Variants in CYTH3 observed in about 807,000 individuals in gnomAD.
CYTH3 encodes cytohesin 3, also known as cytohesin-3.
Under a neutral mutation model 55.1 loss-of-function variants are expected in CYTH3, and 23 were observed. That is an observed-to-expected ratio of 0.42 (90% confidence interval 0.30 to 0.59). The LOEUF (loss-of-function observed/expected upper bound fraction) is 0.59. CYTH3 is among the 20% of genes least tolerant of loss of function. The probability of loss-of-function intolerance (pLI) is 0.20; values close to 1 mark genes in which losing one functional copy is unlikely to be tolerated. For missense variants in CYTH3, 413 were observed against 524.8 expected, an observed-to-expected ratio of 0.79 and a Z score of 2.08; for synonymous variants, 249 against 194.9, an observed-to-expected ratio of 1.28 and a Z score of -2.31.
intron 2 of CYTH3, among the ~76,000 whole-genome samples, chr7:6,188,274 A>G (rs1049571403): frequency 2.6e-4 from 40 of 152,076 alleles, no homozygotes; most frequent in Non-Finnish European, 4.9e-4. Flanking sequence ...TTGAGGCTGC[A>G]GTGAGCCATG....
chr7:6,201,565 G>A (rs763146636), intron 1 of CYTH3, among the ~76,000 whole-genome samples: 1 of 152,128 alleles, frequency 6.6e-6, no homozygotes, highest in Non-Finnish European at 1.5e-5. Flanking sequence ...CAAGAGAAGG[G>A]ATCCAGTACA....
chr7:6,259,822 AT>A (rs1268477195), intron 1 of CYTH3, among the ~76,000 whole-genome samples: 3 of 26,342 alleles, frequency 1.1e-4, no homozygotes, highest in Non-Finnish European at 1.6e-4. Flanking sequence ...TAATATATAT[AT>A]ATATATATAT....
chr7:6,194,314 G>A lies in CYTH3; in HGVS notation c.35-3783C>T, dbSNP rs79711190. On this transcript the variant is annotated intron_variant, in intron 1 of 12. Coordinates refer to ENST00000350796, the MANE Select transcript of CYTH3 (RefSeq NM_004227.4). ...TAAAACCTTGGGGAAAAAGCCAGGC[G>A]TGATGGCACGCATCCGTAGTCCCAG... Among the ~76,000 whole-genome samples the A allele has an allele frequency of 4.1e-3, 628 of 152,290 alleles. 9 individuals carry two copies. The highest frequency in any genetic ancestry group is 0.014 in the African/African-American group (582 of 41,556).
At chr7:6,190,610 GC>G in intron 1 of CYTH3, 79 bp from the exon 2 acceptor site, 2 of 1,090,042 alleles carry the variant, frequency 1.8e-6, no homozygotes, top group Non-Finnish European at 2.6e-6. Flanking sequence ...GGTACATGCT[GC>G]CACCCAGCAA....
At chr7:6,222,606 G>A (rs1467030618) in intron 1 of CYTH3, among the ~76,000 whole-genome samples, 1 of 151,992 alleles carries the variant, frequency 6.6e-6, no homozygotes, top group Non-Finnish European at 1.5e-5. Context: ...CATTAGCCGG[G>A]CGTGGTGGCG....
rs959937210 is a variant in CYTH3 at position 6,165,923 on chromosome 7, G to T, written c.824-113C>A. ...TGCGTTTTCAGAAAGGCCACCAGGC[G>T]CCAGGCTTGGGTTCAGGTGTCCTTC... is the stretch of plus-strand genomic sequence containing the variant. On this transcript the variant is annotated intron_variant, in intron 9 of 12. Transcript: ENST00000350796. 1.1e-5 allele frequency: 12 copies of T among 1,050,432 alleles called. No homozygotes were observed. The Admixed American group carries it at 2.3e-4, about 21-fold the overall frequency. 65.1% of individuals were successfully genotyped at this position (1,050,432 alleles called of 1,614,324 possible).
intron 1 of CYTH3, among the ~76,000 whole-genome samples, chr7:6,233,638 A>T (rs1218696405): frequency 1.4e-5 from 2 of 147,922 alleles, no homozygotes; most frequent in African/African-American, 5.2e-5. Context: ...CCTGGGTGAC[A>T]GAGCGAGACT....
chr7:6,223,861 A>T (rs1401278318), intron 1 of CYTH3, among the ~76,000 whole-genome samples: 1 of 151,024 alleles, frequency 6.6e-6, no homozygotes, highest in Non-Finnish European at 1.5e-5. Context: ...AAAAAAAAAA[A>T]AAAAATGGAG....
chr7:6,162,399 C>G lies in CYTH3; in HGVS notation c.*2545G>C, dbSNP rs1420925928. 6.6e-6 allele frequency: 1 copy of G among 152,304 alleles called. No homozygotes were observed. 9.4% of individuals were successfully genotyped at this position (152,304 alleles called of 1,614,324 possible). A position where few individuals can be genotyped will look rare whatever the true frequency, so the allele number is the denominator to read the frequency against. ...TTGGCCAGAGTTGGGACTAACAATTCAAGCCCTGCGCTCAGACGTCAGGGT... is the reference window on the plus strand; with the variant it reads ...TTGGCCAGAGTTGGGACTAACAATTGAAGCCCTGCGCTCAGACGTCAGGGT... On this transcript the variant is annotated 3_prime_UTR_variant, in exon 13 of 13. Coordinates refer to ENST00000350796, the MANE Select transcript of CYTH3 (RefSeq NM_004227.4).
intron 1 of CYTH3, among the ~76,000 whole-genome samples, chr7:6,240,944 TCTCTGC>T (rs1779658195): frequency 6.6e-6 from 1 of 150,448 alleles, no homozygotes; most frequent in African/African-American, 2.4e-5. Flanking sequence ...TGAAACCCCG[TCTCTGC>T]TGAAAAAAAA....
intron 4 of CYTH3, among the ~76,000 whole-genome samples, chr7:6,179,806 A>C (rs13221347): frequency 1.0e-3 from 129 of 124,014 alleles, no homozygotes; most frequent in African/African-American, 1.6e-3. Flanking sequence ...CCCACCACAC[A>C]CACCACACAC....
chr7:6,241,474 A>G (rs540937856), intron 1 of CYTH3, among the ~76,000 whole-genome samples: 1 of 152,336 alleles, frequency 6.6e-6, no homozygotes, highest in African/African-American at 2.4e-5. Context: ...TGATGGGTGT[A>G]AAAAACAGTG....
chr7:6,230,124 G>A (rs1583180782), intron 1 of CYTH3, among the ~76,000 whole-genome samples: 1 of 152,120 alleles, frequency 6.6e-6, no homozygotes, highest in African/African-American at 2.4e-5. Flanking sequence ...GACAGAGTGA[G>A]ACTACATGTC....
intron 4 of CYTH3, among the ~76,000 whole-genome samples, chr7:6,185,784 T>C (rs1047563020): frequency 2.0e-5 from 3 of 151,998 alleles, no homozygotes; most frequent in Non-Finnish European, 4.4e-5. Context: ...AATAACGACA[T>C]GCACTTCTGT....
chr7:6,185,086 G>T (rs572885659), intron 4 of CYTH3, among the ~76,000 whole-genome samples: 1 of 152,100 alleles, frequency 6.6e-6, no homozygotes, highest in Non-Finnish European at 1.5e-5. Flanking sequence ...TAACTCCACA[G>T]TTCCAACTCC....
chr7:6,187,911 A>C (rs1486985378), intron 2 of CYTH3, among the ~76,000 whole-genome samples, 190 bp from the exon 3 acceptor site: 1 of 152,194 alleles, frequency 6.6e-6, no homozygotes, highest in East Asian at 1.9e-4. Flanking sequence ...TTAGGAGAAC[A>C]CAAAATTCTT....
At chr7:6,193,092 A>C (rs149027808) in intron 1 of CYTH3, among the ~76,000 whole-genome samples, 2 of 152,110 alleles carry the variant, frequency 1.3e-5, no homozygotes, top group Non-Finnish European at 2.9e-5. Flanking sequence ...GAATCGCTTG[A>C]AACAGGAAAG....
chr7:6,262,440 A>G (rs1322057896), intron 1 of CYTH3, among the ~76,000 whole-genome samples: 1 of 152,240 alleles, frequency 6.6e-6, no homozygotes, highest in South Asian at 2.1e-4. Flanking sequence ...AACCAAACCC[A>G]AAGAGAACAT....
intron 1 of CYTH3, among the ~76,000 whole-genome samples, chr7:6,262,370 A>C (rs1780374490): frequency 6.6e-6 from 1 of 152,202 alleles, no homozygotes; most frequent in Non-Finnish European, 1.5e-5. Flanking sequence ...AAGAACAACT[A>C]ATCCCAAGCA....
Sources: gnomAD v4.1 joint callset for allele counts (sites outside exome capture counted in the v4.1 genomes callset) on GRCh38, gnomAD v4.1.1 for gene constraint, MANE v1.5 for transcripts, NCBI Gene and HGNC (gene_info 2026-07-23, HGNC 2026-07-21) for gene names.